Variants in NHSL2 observed in about 807,000 individuals in gnomAD.
The protein encoded by NHSL2 is NHS like 2, also known as NHS-like protein 2.
In NHSL2, 27 loss-of-function variants were observed where a neutral mutation model predicts 53.4. The observed-to-expected ratio is 0.51, with a 90% CI of 0.37 to 0.70. The LOEUF (loss-of-function observed/expected upper bound fraction) is 0.70, where lower values mean the gene tolerates loss of function less well. Among genes scored for constraint, NHSL2 ranks in the 30% least tolerant of loss-of-function variants. The pLI, the probability that NHSL2 is intolerant of heterozygous loss-of-function variation, is 0.00. For synonymous variants in NHSL2, 408 were observed against 404.1 expected (o/e 1.01, Z -0.12); for missense variants, 892 against 980.1 (o/e 0.91, Z 1.20).
intron 1 of NHSL2, among the ~76,000 whole-genome samples, chrX:72,066,960 T>C (rs1488213737): frequency 9.0e-6 from 1 of 110,855 alleles, no homozygotes; most frequent in Non-Finnish European, 1.9e-5. Flanking sequence ...TGAGACCCCA[T>C]CTCTACAAAA....
rs1345903930 is a variant in NHSL2, at chrX:72,124,885, C to A, written c.281-7194C>A. 2.7e-5 allele frequency among the ~76,000 whole-genome samples: 3 copies of A among 110,946 alleles called. No individual in the cohort carries two copies. The East Asian group carries it at 8.5e-4, about 31-fold the overall frequency. On this transcript the variant is annotated intron_variant, in intron 1 of 7. Transcript: ENST00000633930. Reference sequence around the variant, plus strand: ...TGTCACCCTTCTACTGTCTTCCTTCCTTCCTTCCTTCCTTTTATTCTGATG... The same window carrying A: ...TGTCACCCTTCTACTGTCTTCCTTCATTCCTTCCTTCCTTTTATTCTGATG...
chrX:72,084,208 G>T (rs1357126761), intron 1 of NHSL2, among the ~76,000 whole-genome samples: 2 of 112,047 alleles, frequency 1.8e-5, no homozygotes, highest in East Asian at 5.6e-4. Flanking sequence ...TGAGAAGAGA[G>T]GGGGAGAGAG....
chrX:71,910,993 G>A lies in NHSL2; in HGVS notation c.-95G>A. ...AGGGGCCTGCTACACCCGGAGCTGG[G>A]GCCGCCGCTCAGGGGCGCTCGGGCC... On this transcript the variant is annotated 5_prime_UTR_variant, in exon 1 of 8. Coordinates refer to ENST00000633930, the MANE Select transcript of NHSL2 (RefSeq NM_001013627.3). The A allele has an allele frequency of 1.4e-6, 1 of 725,703 alleles. No individual in the cohort carries two copies. Among genetic ancestry groups the A allele is most frequent in the African/African-American group, 2.2e-5 (1 of 44,924 alleles). The allele number at this position is 725,703 out of a possible 1,213,427, so 59.8% of individuals were successfully genotyped here.
chrX:72,144,561 C>T lies in NHSL2; in HGVS notation c.*987C>T. Reference sequence around the variant, plus strand: ...AAAGTAAGTGCATCTTGCCCCCCACCAGTCAATTCAGATCGTGGTTTGTGG... The same window carrying T: ...AAAGTAAGTGCATCTTGCCCCCCACTAGTCAATTCAGATCGTGGTTTGTGG... On this transcript the variant is annotated 3_prime_UTR_variant, in exon 8 of 8. Transcript: ENST00000633930. 1 of 1,022,523 alleles carries T rather than the reference C, an allele frequency of 9.8e-7. No individual in the cohort carries two copies. Among genetic ancestry groups the T allele is most frequent in the Non-Finnish European group, 1.3e-6 (1 of 774,206 alleles). The allele number at this position is 1,022,523 out of a possible 1,213,427, so 84.3% of individuals were successfully genotyped here.
chrX:71,922,083 G>C (rs766343350), intron 1 of NHSL2, among the ~76,000 whole-genome samples: 1 of 112,741 alleles, frequency 8.9e-6, no homozygotes, highest in Non-Finnish European at 1.9e-5. Flanking sequence ...ACAGTAGAAT[G>C]TATAAATGTA....
chrX:71,979,128 T>C lies in NHSL2; in HGVS notation c.280+67761T>C, dbSNP rs771686015. 1.6e-3 allele frequency among the ~76,000 whole-genome samples: 181 copies of C among 110,985 alleles called. 1 individual carries two copies. Among genetic ancestry groups the C allele is most frequent in the African/African-American group, 5.5e-3 (167 of 30,509 alleles). The stretch of plus-strand genomic sequence containing the variant: ...TGGCTGCATAGTATTCCATGGTGTA[T>C]ATGTGCCACATTTTCTTAATCCAGT... On this transcript the variant is annotated intron_variant, in intron 1 of 7. Coordinates refer to ENST00000633930, the MANE Select transcript of NHSL2 (RefSeq NM_001013627.3).
intron 1 of NHSL2, among the ~76,000 whole-genome samples, chrX:72,061,766 C>A (rs988999399): frequency 1.8e-5 from 2 of 112,449 alleles, no homozygotes; most frequent in African/African-American, 6.5e-5. Flanking sequence ...TCAAAGACAT[C>A]GAGGTCCCTC....
chrX:71,974,684 A>G (rs1391706456), intron 1 of NHSL2, among the ~76,000 whole-genome samples: 2 of 112,446 alleles, frequency 1.8e-5, no homozygotes, highest in East Asian at 5.6e-4. Context: ...CCACAAATGC[A>G]GAAAAGCAGA....
rs2041743628 is a variant in NHSL2 at position 71,937,277 on chromosome X, C to T, written c.280+25910C>T. ...GGGAATTTGAGAGAGGGGGCTGTAG[C>T]CAGGGTGGAGGGAGAACCAGGGGAG... On this transcript the variant is annotated intron_variant, in intron 1 of 7. Coordinates refer to ENST00000633930, the MANE Select transcript of NHSL2 (RefSeq NM_001013627.3). Among the ~76,000 whole-genome samples, 3 of 111,354 alleles carry T rather than the reference C, an allele frequency of 2.7e-5. No homozygotes were observed. The South Asian group carries it at 1.1e-3, about 42-fold the overall frequency.
intron 1 of NHSL2, among the ~76,000 whole-genome samples, chrX:71,950,061 C>T (rs966687203): frequency 8.8e-6 from 1 of 113,505 alleles, no homozygotes; most frequent in Non-Finnish European, 1.9e-5. Context: ...CATGCGCTTT[C>T]GCATTCCAAG....
At chrX:72,012,682 G>A (rs1379717700) in intron 1 of NHSL2, among the ~76,000 whole-genome samples, 4 of 112,592 alleles carry the variant, frequency 3.6e-5, no homozygotes, top group South Asian at 3.7e-4. Flanking sequence ...CCTAGGCTCC[G>A]GGAATCAGGA....
intron 1 of NHSL2, among the ~76,000 whole-genome samples, chrX:71,933,288 G>C (rs1215268526): frequency 1.8e-5 from 2 of 111,667 alleles, no homozygotes; most frequent in Non-Finnish European, 3.8e-5. Flanking sequence ...TCACCTGTCA[G>C]TAGTCAATGT....
chrX:71,962,283 G>A (rs1443489712), intron 1 of NHSL2, among the ~76,000 whole-genome samples: 1 of 111,135 alleles, frequency 9.0e-6, no homozygotes, highest in Non-Finnish European at 1.9e-5. Context: ...TCCTTTTCTT[G>A]TGATATCTTT....
intron 1 of NHSL2, among the ~76,000 whole-genome samples, chrX:71,964,001 A>ATGTATG (rs1491422730): frequency 0.037 from 289 of 7,759 alleles, 18 homozygotes; most frequent in Non-Finnish European, 0.073. Context: ...ATGTATATAC[A>ATGTATG]TATATATATG....
At chrX:72,008,863 A>AAGG (rs1205660574) in intron 1 of NHSL2, among the ~76,000 whole-genome samples, 2 of 111,779 alleles carry the variant, frequency 1.8e-5, no homozygotes, top group Admixed American at 1.9e-4. Context: ...TTATTTTAGT[A>AAGG]TCCCTGTCAC....
chrX:71,987,912 G>T (rs1183185007), intron 1 of NHSL2, among the ~76,000 whole-genome samples: 2 of 111,929 alleles, frequency 1.8e-5, no homozygotes, highest in Non-Finnish European at 3.8e-5. Context: ...ACTTGCAAAA[G>T]CTTTTAACTG....
Position 72,140,250 on chromosome X carries a change from C to T in NHSL2, c.2702C>T (p.Thr901Ile), listed in dbSNP as rs7061150. Reference sequence around the variant, plus strand: ...GAGGAGTATGCACTAACTTCACCAACCTTGGCTATGCCCCCCAGGAGCTCA... The same window carrying T: ...GAGGAGTATGCACTAACTTCACCAATCTTGGCTATGCCCCCCAGGAGCTCA... ...VPEEYALTSP[T>I]LAMPPRSSIQ... Residue 901 changes from threonine to isoleucine, a missense_variant, in exon 6 of 8, where the codon ACC becomes ATC. Physicochemically the swap from Thr to Ile is moderately conservative, Grantham distance 89 (BLOSUM62 -1). Coordinates refer to ENST00000633930, the MANE Select transcript of NHSL2 (RefSeq NM_001013627.3). 0.05 allele frequency: 60,627 copies of T among 1,208,132 alleles called. 2,344 individuals carry two copies. The highest frequency in any genetic ancestry group is 0.23 in the South Asian group (13,001 of 56,529).
At chrX:72,079,428 C>A (rs2041770930) in intron 1 of NHSL2, among the ~76,000 whole-genome samples, 1 of 112,235 alleles carries the variant, frequency 8.9e-6, no homozygotes, top group African/African-American at 3.2e-5. Context: ...AAGTCTCATC[C>A]TTTAGCTGTT....
At chrX:71,930,951 A>G (rs2041709823) in intron 1 of NHSL2, among the ~76,000 whole-genome samples, 1 of 112,358 alleles carries the variant, frequency 8.9e-6, no homozygotes, top group Non-Finnish European at 1.9e-5. Context: ...GTAACTCTAC[A>G]TCTAACTTTT....
Sources: gnomAD v4.1 joint callset for allele counts (sites outside exome capture counted in the v4.1 genomes callset) on GRCh38, gnomAD v4.1.1 for gene constraint, MANE v1.5 for transcripts, NCBI Gene and HGNC (gene_info 2026-07-23, HGNC 2026-07-21) for gene names.